Variants in TMOD3 observed in about 807,000 individuals in gnomAD.
The protein encoded by TMOD3 is tropomodulin 3.
Under a neutral mutation model 39.2 loss-of-function variants are expected in TMOD3, and 20 were observed. That is an observed-to-expected ratio of 0.51 (90% CI 0.36 to 0.74). The LOEUF is 0.74. Among genes scored for constraint, TMOD3 ranks in the 30% least tolerant of loss-of-function variants. TMOD3 has a pLI of 0.00. For synonymous variants in TMOD3, 143 were observed against 145.8 expected, an observed-to-expected ratio of 0.98 and a Z score of 0.14; for missense variants, 381 against 412.8, an observed-to-expected ratio of 0.92 and a Z score of 0.67.
Position 51,900,318 on chromosome 15 carries a change from A to G in TMOD3, c.879+20A>G. The G allele has an allele frequency of 6.2e-7, 1 of 1,613,168 alleles. No individual in the cohort carries two copies. The highest frequency in any genetic ancestry group is 8.5e-7 in the Non-Finnish European group (1 of 1,179,506). ...AATCAGGTCAATGTTCTACAATAATAACGTCGAGGAAGCTACAGCCCACGC... is the reference window on the plus strand; with the variant it reads ...AATCAGGTCAATGTTCTACAATAATGACGTCGAGGAAGCTACAGCCCACGC... On this transcript the variant is annotated intron_variant, in intron 8 of 9. Coordinates refer to ENST00000308580, the MANE Select transcript of TMOD3 (RefSeq NM_014547.5).
chr15:51,875,060 G>T (rs1404628421), intron 3 of TMOD3: 2 of 152,056 alleles, frequency 1.3e-5, no homozygotes, highest in Non-Finnish European at 2.9e-5. Flanking sequence ...TTAAACTAAG[G>T]ACTTCCCATA....
intron 7 of TMOD3, among the ~76,000 whole-genome samples, chr15:51,898,357 C>G (rs990555489): frequency 1.3e-5 from 2 of 152,168 alleles, no homozygotes; most frequent in African/African-American, 4.8e-5. Flanking sequence ...TTTTCCTGAC[C>G]GTGCTATATA....
In TMOD3 at chr15:51,909,685, T is replaced by C. The variant is rs2056700341; in HGVS notation, c.*875T>C. 1 of 151,878 alleles carries C rather than the reference T, an allele frequency of 6.6e-6. No homozygotes were observed. The highest frequency in any genetic ancestry group is 2.4e-5 in the African/African-American group (1 of 41,304). The allele number at this position is 151,878 out of a possible 1,614,324, so 9.4% of individuals were successfully genotyped here. A position where few individuals can be genotyped will look rare whatever the true frequency, so the allele number is the denominator to read the frequency against. Reference sequence around the variant, plus strand: ...TGTTAAACAATGAAATCAAAGATAATAAATATGATAGATTTCCAGTATGAG... The same window carrying C: ...TGTTAAACAATGAAATCAAAGATAACAAATATGATAGATTTCCAGTATGAG... On this transcript the variant is annotated 3_prime_UTR_variant, in exon 10 of 10. Coordinates refer to ENST00000308580, the MANE Select transcript of TMOD3 (RefSeq NM_014547.5).
At chr15:51,852,427 TA>T (rs113563861) in intron 1 of TMOD3, among the ~76,000 whole-genome samples, 2,282 of 140,524 alleles carry the variant, frequency 0.016, 51 homozygotes, top group Middle Eastern at 0.062. Flanking sequence ...TTTGGTTACC[TA>T]AAAAAAAAAA....
At chr15:51,880,623 G>A (rs188805302) in intron 3 of TMOD3, among the ~76,000 whole-genome samples, 1 of 152,218 alleles carries the variant, frequency 6.6e-6, no homozygotes, top group African/African-American at 2.4e-5. Context: ...CTTAGCATAA[G>A]GTTTTGGAGT....
intron 1 of TMOD3, chr15:51,860,351 A>G (rs1045245602): frequency 7.4e-6 from 4 of 541,150 alleles, no homozygotes; most frequent in Non-Finnish European, 1.5e-5. Flanking sequence ...TTTCTTCAGA[A>G]TAATCAGGAT....
chr15:51,876,391 C>G (rs948515433), intron 3 of TMOD3, among the ~76,000 whole-genome samples: 1 of 151,734 alleles, frequency 6.6e-6, no homozygotes, highest in Non-Finnish European at 1.5e-5. Flanking sequence ...AATGCTTGGC[C>G]TCAAGCAATC....
chr15:51,869,108 G>C, intron 2 of TMOD3, 109 bp from the exon 3 acceptor site: 1 of 1,193,112 alleles, frequency 8.4e-7, no homozygotes, highest in Non-Finnish European at 1.2e-6. Flanking sequence ...AGTGTTTAGT[G>C]CCTGTATCAC....
chr15:51,879,856 T>TCACACACACA (rs68117829), intron 3 of TMOD3, among the ~76,000 whole-genome samples: 15,601 of 142,470 alleles, frequency 0.11, 948 homozygotes, highest in Middle Eastern at 0.13. Flanking sequence ...TCTCTGTCTT[T>TCACACACACA]CACACACACA....
intron 9 of TMOD3, chr15:51,907,072 T>C (rs1439243242): frequency 6.6e-6 from 1 of 151,976 alleles, no homozygotes; most frequent in African/African-American, 2.4e-5. Context: ...GACATTTCTA[T>C]ATTTTTCAGA....
chr15:51,905,914 G>A (rs1490392104), intron 9 of TMOD3, among the ~76,000 whole-genome samples: 1 of 126,798 alleles, frequency 7.9e-6, no homozygotes, highest in South Asian at 2.6e-4. Context: ...ACTGCAGTCC[G>A]CAGTCCGGCC....
intron 7 of TMOD3, among the ~76,000 whole-genome samples, chr15:51,899,320 G>A (rs979642292): frequency 6.6e-6 from 1 of 152,108 alleles, no homozygotes. Context: ...TGTCACCAAC[G>A]GGGAATTACA....
intron 3 of TMOD3, among the ~76,000 whole-genome samples, chr15:51,871,416 G>A (rs1037486108): frequency 6.6e-5 from 10 of 152,262 alleles, no homozygotes; most frequent in East Asian, 3.9e-4. Flanking sequence ...GTTATTCTGC[G>A]TGTTTCAGGT....
chr15:51,890,704 T>C (rs1275566758), intron 5 of TMOD3, among the ~76,000 whole-genome samples: 1 of 152,240 alleles, frequency 6.6e-6, no homozygotes, highest in Non-Finnish European at 1.5e-5. Context: ...CAGTCGACCG[T>C]GTTTTCTAGT....
chr15:51,859,573 T>TG, intron 1 of TMOD3: 1 of 604,974 alleles, frequency 1.7e-6, no homozygotes, highest in Non-Finnish European at 3.2e-6. Context: ...TTGGCACCTG[T>TG]GACAGCTAAG....
chr15:51,856,689 C>T (rs561283322), intron 1 of TMOD3, among the ~76,000 whole-genome samples: 8 of 151,916 alleles, frequency 5.3e-5, no homozygotes, highest in African/African-American at 1.9e-4. Flanking sequence ...TGCTCAAGCT[C>T]ATCATAATTC....
intron 3 of TMOD3, among the ~76,000 whole-genome samples, chr15:51,871,262 C>T (rs1354852354): frequency 6.6e-6 from 1 of 152,108 alleles, no homozygotes; most frequent in Non-Finnish European, 1.5e-5. Flanking sequence ...CAGGCAGAGG[C>T]ATCTCTTCCT....
chr15:51,834,174 A>G (rs1300885476), intron 1 of TMOD3, among the ~76,000 whole-genome samples: 1 of 152,118 alleles, frequency 6.6e-6, no homozygotes, highest in African/African-American at 2.4e-5. Flanking sequence ...TATTCAAGGT[A>G]CAAGTTCTTT....
chr15:51,856,986 A>G (rs889672393), intron 1 of TMOD3, among the ~76,000 whole-genome samples: 2 of 152,242 alleles, frequency 1.3e-5, no homozygotes, highest in African/African-American at 2.4e-5. Context: ...TGTTTATAGC[A>G]GAGAAATAGA....
Sources: allele counts gnomAD v4.1 joint callset (sites outside exome capture counted in the v4.1 genomes callset), GRCh38; gene constraint gnomAD v4.1.1; transcripts MANE v1.5; gene names NCBI Gene and HGNC (gene_info 2026-07-23, HGNC 2026-07-21).